The following CMKLR2 variants were observed in gnomAD, a reference collection of about 807,000 sequenced individuals.
The protein encoded by CMKLR2 is chemerin-like receptor 2.
In CMKLR2, 18 loss-of-function variants were observed where a neutral mutation model predicts 23.0. The ratio of observed to expected loss-of-function variants is 0.78; its 90% CI spans 0.54 to 1.16. The LOEUF is 1.16. CMKLR2 is among the 50% of genes most tolerant of loss of function. The pLI is 0.00. For missense variants in CMKLR2, 401 were observed against 412.7 expected (o/e 0.97, Z 0.25); for synonymous variants, 158 against 158.9 (o/e 0.99, Z 0.05).
At chr2:206,198,889 C>T (rs1689001414) in intron 1 of CMKLR2, among the ~76,000 whole-genome samples, 1 of 152,150 alleles carries the variant, frequency 6.6e-6, no homozygotes. Context: ...CTAGAACCAC[C>T]CTAATGAGTC....
chr2:206,178,406 GT>G (rs1245285942), intron 1 of CMKLR2, among the ~76,000 whole-genome samples: 1 of 152,186 alleles, frequency 6.6e-6, no homozygotes, highest in Non-Finnish European at 1.5e-5. Context: ...ATCCAAGGAT[GT>G]TTTGAGTCCA....
rs1688233499 is a variant in CMKLR2 at position 206,176,781 on chromosome 2, A to G, written c.467T>C (p.Ile156Thr). The G allele has an allele frequency of 1.9e-6, 3 of 1,614,164 alleles. No homozygotes were observed. The highest frequency in any genetic ancestry group is 2.5e-6 in the Non-Finnish European group (3 of 1,180,030). Reference protein sequence around the residue: ...HRHRTLKNSLIVIIFIWLLAS... With the variant: ...HRHRTLKNSLTVIIFIWLLAS... ...CAAAAGCCAGATGAATATAATGACA[A>G]TCAGAGAGTTCTTGAGGGTTCGATG... The change falls in exon 2 of 2, where the codon ATT (isoleucine) becomes ACT (threonine). Residue 156 changes from isoleucine to threonine, a missense_variant. Physicochemically the swap from Ile to Thr is moderately conservative, Grantham distance 89 (BLOSUM62 -1). Coordinates refer to ENST00000621141, the MANE Select transcript of CMKLR2 (RefSeq NM_001389445.1).
intron 1 of CMKLR2, among the ~76,000 whole-genome samples, chr2:206,211,388 G>A (rs931629664): frequency 2.6e-4 from 39 of 151,756 alleles, no homozygotes; most frequent in Admixed American, 2.0e-3. Context: ...GCAGTGGCAC[G>A]ATCTTAGCTC....
In CMKLR2 at chr2:206,177,079, C is replaced by A. The variant is rs1000237242; in HGVS notation, c.169G>T (p.Ala57Ser). 4 of 1,614,078 alleles carry A rather than the reference C, an allele frequency of 2.5e-6. No homozygotes were observed. The African/African-American group carries it at 5.3e-5, about 22-fold the overall frequency. ...AACCCCGTGAACCAAATGACGATGGCATTTCCTGGAATTCCCAGAACAAAA... is the reference window on the plus strand; with the variant it reads ...AACCCCGTGAACCAAATGACGATGGAATTTCCTGGAATTCCCAGAACAAAA... ...LAFVLGIPGN[A>S]IVIWFTGFKW... Residue 57 changes from alanine (A) to serine (S), a missense_variant, in exon 2 of 2, where the codon GCC becomes TCC. Ala to Ser is a moderately conservative substitution (Grantham distance 99). Transcript: ENST00000621141.
chr2:206,200,977 G>A (rs1689076514), intron 1 of CMKLR2, among the ~76,000 whole-genome samples: 1 of 151,780 alleles, frequency 6.6e-6, no homozygotes, highest in Non-Finnish European at 1.5e-5. Context: ...TTAGCGGTAG[G>A]GTCTCACTCT....
chr2:206,187,350 A>G (rs902251054), intron 1 of CMKLR2, among the ~76,000 whole-genome samples: 1 of 152,208 alleles, frequency 6.6e-6, no homozygotes, highest in Non-Finnish European at 1.5e-5. Flanking sequence ...TATACTTTGA[A>G]CTAGAAACAT....
chr2:206,183,178 C>T (rs1354453522), intron 1 of CMKLR2, among the ~76,000 whole-genome samples: 4 of 152,102 alleles, frequency 2.6e-5, no homozygotes, highest in Non-Finnish European at 5.9e-5. Context: ...TGATCTGTTC[C>T]TTTAGGCTGT....
At chr2:206,212,673 G>T (rs1689611673) in intron 1 of CMKLR2, among the ~76,000 whole-genome samples, 1 of 152,162 alleles carries the variant, frequency 6.6e-6, no homozygotes, top group South Asian at 2.1e-4. Flanking sequence ...ACCCCTTGTT[G>T]GGAGAGCCCA....
chr2:206,202,628 C>G lies in CMKLR2; in HGVS notation c.-29+10679G>C, dbSNP rs575538510. 2.6e-4 allele frequency among the ~76,000 whole-genome samples: 39 copies of G among 152,208 alleles called. No homozygotes were observed. The South Asian group carries it at 8.1e-3, about 32-fold the overall frequency. ...GGCGCGCCACCACGTTCCGCACTAA[C>G]CTGGTTAAGGCTGGATGGCGTCATA... On this transcript the variant is annotated intron_variant, in intron 1 of 1. Transcript: ENST00000621141.
intron 1 of CMKLR2, among the ~76,000 whole-genome samples, chr2:206,196,239 G>A (rs1032815102): frequency 6.6e-6 from 1 of 152,022 alleles, no homozygotes; most frequent in Non-Finnish European, 1.5e-5. Flanking sequence ...GCTGAGCGTG[G>A]TGGCACACGC....
intron 1 of CMKLR2, among the ~76,000 whole-genome samples, chr2:206,191,837 AT>A (rs774926244): frequency 0.023 from 2,747 of 119,216 alleles, 30 homozygotes; most frequent in African/African-American, 0.055. Context: ...TGCCCAACTA[AT>A]TTTTTTTTTT....
chr2:206,190,310 G>T (rs1456905382), intron 1 of CMKLR2, among the ~76,000 whole-genome samples: 2 of 152,166 alleles, frequency 1.3e-5, no homozygotes, highest in Admixed American at 6.5e-5. Context: ...CATGCTTAAG[G>T]GTTTGGATTT....
upstream of CMKLR2, among the ~76,000 whole-genome samples, chr2:206,215,425 A>G (rs1249770674): frequency 6.6e-6 from 1 of 152,218 alleles, no homozygotes; most frequent in African/African-American, 2.4e-5. Flanking sequence ...TTGGCTATAG[A>G]GCAGGAACCA....
chr2:206,176,808 C>G lies in CMKLR2; in HGVS notation c.440G>C (p.Arg147Pro). 6.2e-7 allele frequency: 1 copy of G among 1,614,012 alleles called. No homozygotes were observed. Among genetic ancestry groups the G allele is most frequent in the Non-Finnish European group, 8.5e-7 (1 of 1,180,008 alleles). ...CAGAGAGTTCTTGAGGGTTCGATGCCGATGAGATAAGACAGGATGGATCAA... is the reference window on the plus strand; with the variant it reads ...CAGAGAGTTCTTGAGGGTTCGATGCGGATGAGATAAGACAGGATGGATCAA... ...IHLIHPVLSH[R>P]HRTLKNSLIV... Residue 147 changes from arginine (R) to proline (P), a missense_variant, in exon 2 of 2, where the codon CGG (arginine) becomes CCG (proline). Physicochemically the swap from Arg to Pro is moderately radical, Grantham distance 103. Transcript: ENST00000621141.
intron 1 of CMKLR2, among the ~76,000 whole-genome samples, chr2:206,210,044 A>G (rs1466411905): frequency 6.7e-6 from 1 of 149,680 alleles, no homozygotes; most frequent in Non-Finnish European, 1.5e-5. Flanking sequence ...GCTCACTGCA[A>G]CCTCTGCCTC....
At chr2:206,192,845 A>T (rs1041685223) in intron 1 of CMKLR2, among the ~76,000 whole-genome samples, 4 of 152,222 alleles carry the variant, frequency 2.6e-5, no homozygotes, top group Non-Finnish European at 5.9e-5. Context: ...CCAAAATCCA[A>T]GGATGCTCAA....
chr2:206,188,885 T>C (rs1160793727), intron 1 of CMKLR2, among the ~76,000 whole-genome samples: 1 of 152,192 alleles, frequency 6.6e-6, no homozygotes, highest in Non-Finnish European at 1.5e-5. Context: ...TGGCAGAAAG[T>C]GTAATAATAA....
chr2:206,187,321 G>A (rs1323936306), intron 1 of CMKLR2, among the ~76,000 whole-genome samples: 1 of 152,090 alleles, frequency 6.6e-6, no homozygotes, highest in Non-Finnish European at 1.5e-5. Context: ...AGTAGAAGTG[G>A]GTCAGGTGTC....
chr2:206,181,894 T>C (rs1488574392), intron 1 of CMKLR2, among the ~76,000 whole-genome samples: 3 of 133,090 alleles, frequency 2.3e-5, no homozygotes, highest in African/African-American at 5.9e-5. Flanking sequence ...GAGGTTTTAG[T>C]GAGCCAAGAT....
Sources: allele counts gnomAD v4.1 joint callset (sites outside exome capture counted in the v4.1 genomes callset), GRCh38; gene constraint gnomAD v4.1.1; transcripts MANE v1.5; gene names NCBI Gene and HGNC (gene_info 2026-07-23, HGNC 2026-07-21).